The following MYO16 variants were observed in gnomAD, a reference collection of about 807,000 sequenced individuals.
MYO16 encodes myosin XVI.
MYO16 carries 94 observed loss-of-function variants against 205.3 expected under a neutral mutation model. That is an observed-to-expected ratio of 0.46 (90% CI 0.39 to 0.54). The LOEUF (loss-of-function observed/expected upper bound fraction) is 0.54, where lower values mean the gene tolerates loss of function less well. Ranked by LOEUF, MYO16 falls within the 20% of genes least tolerant of loss-of-function variation. MYO16 has a pLI of 0.00. For synonymous variants in MYO16, 988 were observed against 954.0 expected (o/e 1.04, Z -0.66); for missense variants, 2,315 against 2,387.5 (o/e 0.97, Z 0.63).
At chr13:109,090,099 T>C (rs1888571354) in intron 27 of MYO16, among the ~76,000 whole-genome samples, 1 of 152,212 alleles carries the variant, frequency 6.6e-6, no homozygotes, top group African/African-American at 2.4e-5. Flanking sequence ...AGCAGCCTGT[T>C]CTCCTTAGTT....
At chr13:108,532,774 G>A in the MYO16 span, among the ~76,000 whole-genome samples, 4 of 152,066 alleles carry the variant, frequency 2.6e-5, no homozygotes, top group Admixed American at 2.0e-4. Flanking sequence ...CTGGATGATA[G>A]AGCAAGGCCC....
chr13:109,013,118 C>CCCCCA (rs1885672126), intron 22 of MYO16, among the ~76,000 whole-genome samples: 1 of 100,046 alleles, frequency 1.0e-5, no homozygotes, highest in African/African-American at 3.3e-5. Context: ...TCCCCCACCC[C>CCCCCA]CCCCCACCCC....
At chr13:108,920,362 T>C (rs1881687458) in intron 16 of MYO16, among the ~76,000 whole-genome samples, 1 of 151,806 alleles carries the variant, frequency 6.6e-6, no homozygotes, top group African/African-American at 2.4e-5. Context: ...TTTTCTTTCT[T>C]TCTCTCTTTC....
intron 34 of MYO16, among the ~76,000 whole-genome samples, chr13:109,196,851 T>C (rs941550885): frequency 6.6e-6 from 1 of 152,196 alleles, no homozygotes; most frequent in African/African-American, 2.4e-5. Context: ...GAATGTCAAC[T>C]TTAAAAATAA....
At chr13:109,193,102 A>ACT (rs138042061) in intron 34 of MYO16, among the ~76,000 whole-genome samples, 16 of 149,746 alleles carry the variant, frequency 1.1e-4, no homozygotes, top group Admixed American at 2.7e-4. Flanking sequence ...CTTCATACAT[A>ACT]CTCTCTCTCT....
chr13:108,615,324 G>A (rs1879311504), intron 1 of MYO16, among the ~76,000 whole-genome samples: 1 of 152,072 alleles, frequency 6.6e-6, no homozygotes, highest in Admixed American at 6.6e-5. Context: ...AGGATATGAA[G>A]AAATTGAAAC....
chr13:108,856,957 A>C (rs1878209504), intron 11 of MYO16, among the ~76,000 whole-genome samples: 1 of 152,194 alleles, frequency 6.6e-6, no homozygotes, highest in Admixed American at 6.5e-5. Flanking sequence ...TTCATGGAAC[A>C]AAGAGCGCAA....
rs114225117 is a variant in MYO16, at chr13:108,959,726, G to T, written c.2038-1813G>T. On this transcript the variant is annotated intron_variant, in intron 17 of 34. Coordinates refer to ENST00000457511, the MANE Select transcript of MYO16 (RefSeq NM_001198950.3). ...TCGTAACAGTGCCTCCAGCTCTCCC[G>T]TCTAGCCGGGCGGCAGGGATGGCTG... is the stretch of plus-strand genomic sequence containing the variant. 6.0e-4 allele frequency among the ~76,000 whole-genome samples: 91 copies of T among 152,308 alleles called. No homozygotes were observed. The East Asian group carries it at 0.016, about 27-fold the overall frequency.
chr13:109,079,136 G>T (rs1326609118), intron 27 of MYO16, among the ~76,000 whole-genome samples: 2 of 152,142 alleles, frequency 1.3e-5, no homozygotes, highest in East Asian at 3.9e-4. Context: ...TCCCCTCTCT[G>T]TGTCAAAGCC....
intron 4 of MYO16, among the ~76,000 whole-genome samples, chr13:108,741,926 A>G (rs1461206741): frequency 2.6e-5 from 4 of 152,118 alleles, no homozygotes; most frequent in Admixed American, 6.5e-5. Context: ...ATTCCTAGCT[A>G]TATTATCTCA....
At chr13:109,022,600 A>C (rs1279974276) in intron 23 of MYO16, among the ~76,000 whole-genome samples, 1 of 136,144 alleles carries the variant, frequency 7.3e-6, no homozygotes, top group Non-Finnish European at 1.5e-5. Flanking sequence ...TCTATATTCT[A>C]TATACGCATA....
chr13:109,153,596 TA>T (rs1254996771), intron 32 of MYO16, among the ~76,000 whole-genome samples: 1 of 152,018 alleles, frequency 6.6e-6, no homozygotes, highest in Non-Finnish European at 1.5e-5. Flanking sequence ...CCATCTCTAC[TA>T]AAAGCACAAA....
intron 9 of MYO16, among the ~76,000 whole-genome samples, chr13:108,828,835 TG>T (rs1278256249): frequency 2.0e-5 from 3 of 152,184 alleles, no homozygotes; most frequent in Non-Finnish European, 4.4e-5. Flanking sequence ...AGCACATCAG[TG>T]GGCTGGAGTT....
chr13:108,938,849 C>T (rs1594410745), intron 16 of MYO16, among the ~76,000 whole-genome samples: 1 of 152,166 alleles, frequency 6.6e-6, no homozygotes, highest in Admixed American at 6.5e-5. Context: ...GCAGAGAGAG[C>T]CTTGCTGCAC....
intron 5 of MYO16, among the ~76,000 whole-genome samples, chr13:108,791,188 C>T (rs1886606104): frequency 6.6e-6 from 1 of 152,146 alleles, no homozygotes; most frequent in South Asian, 2.1e-4. Flanking sequence ...TCTAAAATGG[C>T]ATGTCCATGA....
At chr13:108,542,610 A>G in the MYO16 span, among the ~76,000 whole-genome samples, 5 of 152,144 alleles carry the variant, frequency 3.3e-5, no homozygotes, top group African/African-American at 1.2e-4. Context: ...CTTTATTTTG[A>G]AATCTTACAT....
chr13:109,157,242 C>CAAAA (rs56176251), intron 32 of MYO16, among the ~76,000 whole-genome samples: 7 of 108,160 alleles, frequency 6.5e-5, no homozygotes, highest in Non-Finnish European at 1.1e-4. Flanking sequence ...TTAGTATTTA[C>CAAAA]AAAAAAAAAA....
Position 109,055,116 on chromosome 13 carries a change from C to G in MYO16, c.3119C>G (p.Ser1040Ter). The G allele has an allele frequency of 6.3e-7, 1 of 1,584,846 alleles. No individual in the cohort carries two copies. The highest frequency in any genetic ancestry group is 8.6e-7 in the Non-Finnish European group (1 of 1,167,876). ...LERGDPVTIASQLRKSLMDII... is the reference protein window; with the variant it reads ...LERGDPVTIA ...CGAGGAGATCCAGTCACCATAGCAT[C>G]ACAACTCAGGGTTAGTGACGTTTTC... is the stretch of plus-strand genomic sequence containing the variant. The change falls in exon 26 of 35, where the codon TCA becomes TGA. Residue 1040 changes from serine to a stop codon, truncating the protein, a stop_gained. Transcript: ENST00000457511. LOFTEE classifies it high-confidence loss of function. The surrounding 1 kb of genome is among the most constrained non-coding windows in gnomAD (Gnocchi z 5.0).
chr13:108,582,337 C>G, the MYO16 span, among the ~76,000 whole-genome samples: 1 of 152,100 alleles, frequency 6.6e-6, no homozygotes, highest in African/African-American at 2.4e-5. Flanking sequence ...CTACCCAGTT[C>G]CACATGTATG....
Sources: allele counts gnomAD v4.1 joint callset (sites outside exome capture counted in the v4.1 genomes callset), GRCh38; gene constraint gnomAD v4.1.1; non-coding constraint Gnocchi (gnomAD v3.1); transcripts MANE v1.5; gene names NCBI Gene and HGNC (gene_info 2026-07-23, HGNC 2026-07-21).